OBSL1: variants seen among roughly 807,000 people sequenced by gnomAD.
OBSL1 encodes obscurin like cytoskeletal adaptor 1, also known as obscurin-like protein 1.
Under a neutral mutation model 172.0 loss-of-function variants are expected in OBSL1, and 160 were observed. That is an observed-to-expected ratio of 0.93 (90% CI 0.82 to 1.06). The LOEUF is 1.06. Among genes scored for constraint, OBSL1 ranks in the 50% least tolerant of loss-of-function variants. The pLI is 0.00. For synonymous variants in OBSL1, 1,200 were observed against 1,196.3 expected (o/e 1.00, Z -0.06); for missense variants, 2,681 against 2,715.4 (o/e 0.99, Z 0.28).
At chr2:219,551,302 T>C (rs764025397) in intron 20 of OBSL1, 59 of 1,404,878 alleles carry the variant, frequency 4.2e-5, no homozygotes, top group Non-Finnish European at 4.9e-5. Context: ...AGAAGGGGCG[T>C]AGAAAGGTGG....
chr2:219,554,641 C>T lies in OBSL1; in HGVS notation c.4709G>A (p.Gly1570Glu). The T allele has an allele frequency of 6.2e-7, 1 of 1,610,442 alleles. No homozygotes were observed. The highest frequency in any genetic ancestry group is 8.5e-7 in the Non-Finnish European group (1 of 1,178,482). Residue 1570 changes from glycine (G) to glutamate (E), a missense_variant, in exon 15 of 21, where the codon GGG becomes GAG. Gly to Glu is a moderately conservative substitution (Grantham distance 98). Transcript: ENST00000404537. ...CTGTACTCCACCCCGGGCCCACTCCCCGGTCACACCTTCCTGGGACAGCTC... is the reference window on the plus strand; with the variant it reads ...CTGTACTCCACCCCGGGCCCACTCCTCGGTCACACCTTCCTGGGACAGCTC... The part of the protein sequence containing the change: ...QLELSQEGVT[G>E]EWARGGVQLY...
intron 20 of OBSL1, 170 bp from the exon 21 acceptor site, chr2:219,551,012 T>A: frequency 6.7e-7 from 1 of 1,486,404 alleles, no homozygotes; most frequent in Non-Finnish European, 8.9e-7. Context: ...GGGGGTCAGC[T>A]AGGGGTGGGG....
downstream of OBSL1, among the ~76,000 whole-genome samples, chr2:219,548,728 T>C (rs1471419846): frequency 6.6e-6 from 1 of 152,150 alleles, no homozygotes; most frequent in Non-Finnish European, 1.5e-5. Context: ...TTTAAACCAC[T>C]GGAGAGTTTA....
chr2:219,560,491 C>G (rs973022809), intron 8 of OBSL1, among the ~76,000 whole-genome samples: 3 of 152,312 alleles, frequency 2.0e-5, no homozygotes, highest in South Asian at 4.1e-4. Context: ...GCCCACACCC[C>G]TGCTGCCCCC....
At position 219,553,834 on chromosome 2, in the gene OBSL1, C is replaced by G. The variant is rs6754985; in HGVS notation, c.4877-148G>C. 0.19 allele frequency: 37,566 copies of G among 193,292 alleles called. 4,064 individuals carry two copies. The highest frequency in any genetic ancestry group is 0.31 in the African/African-American group (11,190 of 35,832). 12.0% of individuals were successfully genotyped at this position (193,292 alleles called of 1,614,324 possible). A position where few individuals can be genotyped will look rare whatever the true frequency, so the allele number is the denominator to read the frequency against. On this transcript the variant is annotated intron_variant, in intron 15 of 20. Coordinates refer to ENST00000404537, the MANE Select transcript of OBSL1 (RefSeq NM_015311.3). ...CTGGGACAAGTGGTCCAAGAAGGAT[C>G]TGTCAGTGGTGGGGGTGGGGGGGAT...
At position 219,557,949 on chromosome 2, in the gene OBSL1, G is replaced by A. The variant is rs777908986; in HGVS notation, c.3664C>T (p.His1222Tyr). 3.1e-6 allele frequency: 5 copies of A among 1,607,044 alleles called. No individual in the cohort carries two copies. In the South Asian group the frequency reaches 5.5e-5, roughly 18 times the overall value. ...PVQEGEGLELHAEGPRRVLCI... is the reference protein window; with the variant it reads ...PVQEGEGLELYAEGPRRVLCI... ...AGGACTCGGCGGGGGCCCTCGGCAT[G>A]GAGCTCTAGGCCCTCGCCCTCCTGC... Residue 1222 changes from histidine to tyrosine, a missense_variant, in exon 11 of 21, where the codon CAT (histidine) becomes TAT (tyrosine). This residue lies in a region of OBSL1 where 1,765 missense variants were observed against 1,748.3 expected (regional missense o/e 1.01). Transcript: ENST00000404537.
Position 219,570,235 on chromosome 2 carries a change from T to C in OBSL1, c.998A>G (p.Gln333Arg), listed in dbSNP as rs1697236835. 4 of 1,565,478 alleles carry C rather than the reference T, an allele frequency of 2.6e-6. No individual in the cohort carries two copies. Among genetic ancestry groups the C allele is most frequent in the African/African-American group, 1.4e-5 (1 of 73,846 alleles). ...CTCCGCCGTACCTTTCACGTGCAGCTGCACGGCACTGAGCGTCTGGCCCGC... is the reference window on the plus strand; with the variant it reads ...CTCCGCCGTACCTTTCACGTGCAGCCGCACGGCACTGAGCGTCTGGCCCGC... ...NSAGQTLSAV[Q>R]LHVKEPRLRF... Residue 333 changes from glutamine (Q) to arginine (R), a missense_variant, in exon 1 of 21, where the codon CAG becomes CGG. Transcript: ENST00000404537.
chr2:219,563,306 G>A (rs1475287901), intron 7 of OBSL1, 49 bp downstream of exon 7: 4 of 1,499,886 alleles, frequency 2.7e-6, no homozygotes, highest in Non-Finnish European at 2.7e-6. Context: ...GTTCCAGTGG[G>A]AGCAGGGGCA....
At position 219,552,780 on chromosome 2, in the gene OBSL1, C is replaced by T. The variant is rs554235445; in HGVS notation, c.5147-83G>A. ...CCCCTCCACGCCCCCTTTCTAGAAG[C>T]ACGCGCGGTCATCAGGGTCCGGGGA... On this transcript the variant is annotated intron_variant, in intron 17 of 20. Coordinates refer to ENST00000404537, the MANE Select transcript of OBSL1 (RefSeq NM_015311.3). The T allele has an allele frequency of 5.0e-5, 76 of 1,516,254 alleles. No individual in the cohort carries two copies. The African/African-American group carries it at 9.4e-4, about 19-fold the overall frequency. The allele number at this position is 1,516,254 out of a possible 1,614,324, so 93.9% of individuals were successfully genotyped here.
chr2:219,562,498 G>A lies in OBSL1; in HGVS notation c.2857C>T (p.Arg953Cys), dbSNP rs775524938. The A allele has an allele frequency of 3.3e-5, 54 of 1,613,900 alleles. No homozygotes were observed. Among genetic ancestry groups the A allele is most frequent in the African/African-American group, 8.0e-5 (6 of 74,924 alleles). The change falls in exon 8 of 21, where the codon CGC becomes TGC. Residue 953 changes from arginine to cysteine, a missense_variant. Around this residue, in one of 5 missense-constraint regions of OBSL1, gnomAD observed 1,765 missense variants for 1,748.3 expected, o/e 1.01. Transcript: ENST00000404537. ...ALLLQKEDTV[R>C]RLVLPAVQLE... is the part of the protein sequence containing the mutation. ...TGGACAGCGGGCAGCACCAGGCGGC[G>A]GACAGTGTCTTCCTTCTGCAGGAGC...
Position 219,568,138 on chromosome 2 carries a change from T to A in OBSL1, c.1199A>T (p.His400Leu), listed in dbSNP as rs1697059144. ...EEGTVRRLII[H>L]RLKADDDGIY... ...ACCATCATCGTCTGCCTTCAGCCTG[T>A]GGATGATGAGGCGCCGGACAGTGCC... Residue 400 changes from histidine to leucine, a missense_variant, in exon 2 of 21, where the codon CAC becomes CTC. Coordinates refer to ENST00000404537, the MANE Select transcript of OBSL1 (RefSeq NM_015311.3). This position sits in a 1 kb window ranked among gnomAD's most constrained non-coding sequence, Gnocchi z 4.1. 6.2e-7 allele frequency: 1 copy of A among 1,613,694 alleles called. No individual in the cohort carries two copies. The highest frequency in any genetic ancestry group is 1.3e-5 in the African/African-American group (1 of 74,930).
At position 219,565,271 on chromosome 2, in the gene OBSL1, A is replaced by G. The variant is rs1574565644; in HGVS notation, c.2378T>C (p.Val793Ala). Residue 793 changes from valine to alanine, a missense_variant, in exon 6 of 21, where the codon GTC (valine) becomes GCC (alanine). Physicochemically the swap from Val to Ala is moderately conservative, Grantham distance 64. Coordinates refer to ENST00000404537, the MANE Select transcript of OBSL1 (RefSeq NM_015311.3). ...GACAGTGACGCCGAAGAAGGCCGAG[A>G]CCCCTTCTGTCCTGCACTCAAACTC... The part of the protein sequence containing the change: ...SGEFECRTEG[V>A]SAFFGVTVQD... The G allele has an allele frequency of 6.2e-7, 1 of 1,612,256 alleles. No homozygotes were observed. The highest frequency in any genetic ancestry group is 1.3e-5 in the African/African-American group (1 of 74,840).
At chr2:219,562,262 C>T in intron 8 of OBSL1, 140 bp downstream of exon 8, 3 of 1,058,966 alleles carry the variant, frequency 2.8e-6, no homozygotes, top group Non-Finnish European at 4.1e-6. Context: ...GCCCTGGGCT[C>T]ATCTCAGCAA....
chr2:219,562,717 C>T (rs1272651684), intron 7 of OBSL1, 43 bp from the exon 8 acceptor site: 3 of 1,509,954 alleles, frequency 2.0e-6, no homozygotes, highest in Admixed American at 4.0e-5. Flanking sequence ...AGGGGTGTGC[C>T]CTGCCGTCCT....
At position 219,557,606 on chromosome 2, in the gene OBSL1, C is replaced by A; in HGVS notation, c.3803G>T (p.Arg1268Leu). ...FTVQVAEPPV[R>L]VVAPEAAQTR... Reference sequence around the variant, plus strand: ...CTGGGCTGCCTCGGGAGCTACCACCCGCACAGGGGGCTCTGTGGAGTCAGA... The same window carrying A: ...CTGGGCTGCCTCGGGAGCTACCACCAGCACAGGGGGCTCTGTGGAGTCAGA... The change falls in exon 12 of 21, where the codon CGG becomes CTG. Residue 1268 changes from arginine (R) to leucine (L), a missense_variant. Physicochemically the swap from Arg to Leu is moderately radical, Grantham distance 102. Coordinates refer to ENST00000404537, the MANE Select transcript of OBSL1 (RefSeq NM_015311.3). 1 of 1,540,896 alleles carries A rather than the reference C, an allele frequency of 6.5e-7. No homozygotes were observed.
At chr2:219,547,430 C>A (rs1695411247), downstream of OBSL1, 2 of 1,211,844 alleles carry the variant, frequency 1.7e-6, no homozygotes, top group Non-Finnish European at 2.2e-6. Flanking sequence ...GATCCCATGT[C>A]CTTGACCCCT....
At chr2:219,549,987 G>T, downstream of OBSL1, 1 of 1,238,198 alleles carries the variant, frequency 8.1e-7, no homozygotes, top group East Asian at 2.4e-5. Flanking sequence ...GTCACTAGAA[G>T]GGAGGATTGT....
intron 14 of OBSL1, chr2:219,555,719 A>G (rs1695948962): frequency 9.7e-6 from 12 of 1,237,304 alleles, no homozygotes; most frequent in Non-Finnish European, 1.2e-5. Flanking sequence ...GGGTATGTGT[A>G]TCCCTAGAAT....
chr2:219,561,912 G>C (rs779160122), intron 8 of OBSL1: 4 of 717,386 alleles, frequency 5.6e-6, no homozygotes, highest in African/African-American at 1.7e-5. Context: ...TCGTCGCCAT[G>C]GGGGGAAGCG....
Sources: allele counts gnomAD v4.1 joint callset (sites outside exome capture counted in the v4.1 genomes callset), GRCh38; gene constraint gnomAD v4.1.1; regional missense constraint gnomAD v4.1.1; non-coding constraint Gnocchi (gnomAD v3.1); transcripts MANE v1.5; gene names NCBI Gene and HGNC (gene_info 2026-07-23, HGNC 2026-07-21).